The following FHDC1 variants were observed in gnomAD, a reference collection of about 807,000 sequenced individuals.
The protein encoded by FHDC1 is FH2 domain-containing protein 1.
In FHDC1, 25 loss-of-function variants were observed where a neutral mutation model predicts 52.6. That is an observed-to-expected ratio of 0.48 (90% CI 0.35 to 0.66). The LOEUF is 0.66. Ranked by LOEUF, FHDC1 falls within the 30% of genes least tolerant of loss-of-function variation. The probability of loss-of-function intolerance (pLI) is 0.01; values close to 1 mark genes in which losing one functional copy is unlikely to be tolerated. For synonymous variants in FHDC1, 616 were observed against 581.5 expected (o/e 1.06, Z -0.85); for missense variants, 1,459 against 1,452.8 (o/e 1.00, Z -0.07).
intron 1 of FHDC1, among the ~76,000 whole-genome samples, chr4:152,939,370 G>A (rs1028287645): frequency 6.6e-6 from 1 of 152,030 alleles, no homozygotes; most frequent in Admixed American, 6.6e-5. Context: ...TCCTGACCTC[G>A]TGATCTGCCC....
At chr4:152,953,328 T>C (rs1413642894) in intron 2 of FHDC1, among the ~76,000 whole-genome samples, 171 bp from the exon 3 acceptor site, 2 of 152,218 alleles carry the variant, frequency 1.3e-5, no homozygotes, top group East Asian at 3.9e-4. Flanking sequence ...ATGATAATCT[T>C]TTAATATTTG....
chr4:152,963,766 TTTG>T (rs1239614113), intron 8 of FHDC1, among the ~76,000 whole-genome samples: 3 of 101,262 alleles, frequency 3.0e-5, no homozygotes, highest in African/African-American at 7.5e-5. Flanking sequence ...TATCCATTGC[TTTG>T]TTTTTTTTTT....
intron 1 of FHDC1, among the ~76,000 whole-genome samples, chr4:152,937,330 C>T (rs369500291): frequency 6.6e-6 from 1 of 152,138 alleles, no homozygotes; most frequent in East Asian, 1.9e-4. Flanking sequence ...GAAGACCCCC[C>T]CTTTCGTTTC....
chr4:152,941,230 T>A (rs1411865023), intron 1 of FHDC1, among the ~76,000 whole-genome samples: 1 of 152,232 alleles, frequency 6.6e-6, no homozygotes, highest in African/African-American at 2.4e-5. Flanking sequence ...ATTTAATAGA[T>A]GATCACCAAG....
At chr4:152,939,013 G>A (rs1739498522) in intron 1 of FHDC1, among the ~76,000 whole-genome samples, 1 of 152,180 alleles carries the variant, frequency 6.6e-6, no homozygotes, top group South Asian at 2.1e-4. Context: ...TAAATACACT[G>A]TGAGATGAAG....
At chr4:152,955,490 A>G (rs1219263418) in intron 4 of FHDC1, among the ~76,000 whole-genome samples, 2 of 152,206 alleles carry the variant, frequency 1.3e-5, no homozygotes, top group Admixed American at 6.5e-5. Flanking sequence ...AGTAAAAGTA[A>G]TAGATGACTT....
Position 152,943,302 on chromosome 4 carries a change from C to G in FHDC1, c.245C>G (p.Thr82Ser), listed in dbSNP as rs1234565590. The change falls in exon 2 of 12, where the codon ACT becomes AGT. Residue 82 changes from threonine (T) to serine (S), a missense_variant. This residue lies in a region of FHDC1 where 513 missense variants were observed against 581.5 expected (regional missense o/e 0.88). Transcript: ENST00000511601. ...IPPPPPGLPP[T>S]THMNGYSHLG... Reference sequence around the variant, plus strand: ...CCTCCCCCACCAGGCCTACCCCCAACTACTCACATGAACGGCTACAGCCAC... The same window carrying G: ...CCTCCCCCACCAGGCCTACCCCCAAGTACTCACATGAACGGCTACAGCCAC... 1.2e-6 allele frequency: 2 copies of G among 1,601,800 alleles called. No homozygotes were observed. Among genetic ancestry groups the G allele is most frequent in the Admixed American group, 3.4e-5 (2 of 58,858 alleles).
rs748629427 is a variant in FHDC1 at position 152,943,570 on chromosome 4, T to C, written c.498+15T>C. ...CTCGAGAAGAGGTAAGAATGCAAGG[T>C]GGAGGGCTAATCCTCCACACACTGC... On this transcript the variant is annotated intron_variant, in intron 2 of 11. Coordinates refer to ENST00000511601, the MANE Select transcript of FHDC1 (RefSeq NM_001371116.1). The C allele has an allele frequency of 6.2e-7, 1 of 1,602,576 alleles. No individual in the cohort carries two copies. The highest frequency in any genetic ancestry group is 8.5e-7 in the Non-Finnish European group (1 of 1,174,182).
intron 1 of FHDC1, among the ~76,000 whole-genome samples, chr4:152,940,043 C>G (rs1228739667): frequency 6.6e-6 from 1 of 152,234 alleles, no homozygotes; most frequent in African/African-American, 2.4e-5. Context: ...TGCATCTCTA[C>G]TGCGGGCAGT....
At position 152,939,545 on chromosome 4, in the gene FHDC1, C is replaced by T. The variant is rs530433970; in HGVS notation, c.-131+3136C>T. Among the ~76,000 whole-genome samples the T allele has an allele frequency of 3.9e-5, 6 of 152,192 alleles. No individual in the cohort carries two copies. The East Asian group carries it at 7.7e-4, about 20-fold the overall frequency. The stretch of plus-strand genomic sequence containing the variant: ...GGCAGCTTTGAAGACCCTTAACGAA[C>T]GTTCTAAGATTTTTTGTCTGCCAAT... On this transcript the variant is annotated intron_variant, in intron 1 of 11. Coordinates refer to ENST00000511601, the MANE Select transcript of FHDC1 (RefSeq NM_001371116.1).
intron 2 of FHDC1, among the ~76,000 whole-genome samples, chr4:152,946,282 T>A (rs1739730680): frequency 6.6e-6 from 1 of 152,218 alleles, no homozygotes; most frequent in Non-Finnish European, 1.5e-5. Flanking sequence ...CTGTGTATCA[T>A]AAGATAATCT....
In FHDC1 at chr4:152,975,419, G is replaced by A. The variant is rs1470745925; in HGVS notation, c.2128G>A (p.Gly710Arg). 3.1e-6 allele frequency: 5 copies of A among 1,613,418 alleles called. No homozygotes were observed. Among genetic ancestry groups the A allele is most frequent in the Admixed American group, 1.7e-5 (1 of 60,012 alleles). The change falls in exon 12 of 12, where the codon GGG (glycine) becomes AGG (arginine). Residue 710 changes from glycine to arginine, a missense_variant. This residue lies in a region of FHDC1 where 939 missense variants were observed against 854.5 expected (regional missense o/e 1.10). Transcript: ENST00000511601. ...CAGCCCGATGGAGCTAGAGTCTGTGGGGCATAGGGGCCCGCAGTCCCTCAG... is the reference window on the plus strand; with the variant it reads ...CAGCCCGATGGAGCTAGAGTCTGTGAGGCATAGGGGCCCGCAGTCCCTCAG... Reference protein sequence around the residue: ...DFSPMELESVGHRGPQSLSAS... With the variant: ...DFSPMELESVRHRGPQSLSAS...
chr4:152,933,182 T>G (rs1034046162), upstream of FHDC1, among the ~76,000 whole-genome samples: 6 of 152,200 alleles, frequency 3.9e-5, no homozygotes, highest in Non-Finnish European at 2.9e-5. Context: ...CAGCGCCACC[T>G]CCAAGCCACG....
At chr4:152,963,583 G>T (rs935452359) in intron 8 of FHDC1, among the ~76,000 whole-genome samples, 9 of 132,978 alleles carry the variant, frequency 6.8e-5, no homozygotes, top group Non-Finnish European at 1.6e-4. Flanking sequence ...TGAGCGTTGA[G>T]GGGGAGGGTA....
In FHDC1 at chr4:152,955,596, T is replaced by G. The variant is rs1222332287; in HGVS notation, c.663+1277T>G. 3.9e-5 allele frequency among the ~76,000 whole-genome samples: 6 copies of G among 152,300 alleles called. No homozygotes were observed. The East Asian group carries it at 9.6e-4, about 24-fold the overall frequency. On this transcript the variant is annotated intron_variant, in intron 4 of 11. Coordinates refer to ENST00000511601, the MANE Select transcript of FHDC1 (RefSeq NM_001371116.1). The stretch of plus-strand genomic sequence containing the variant: ...ACCTCCCGGATTCAAGCGATTCTCC[T>G]GCCTCAGCTTCCCAAGTAGCTGGGA...
At chr4:152,969,893 TCTC>T (rs1405116227) in intron 10 of FHDC1, among the ~76,000 whole-genome samples, 1 of 152,104 alleles carries the variant, frequency 6.6e-6, no homozygotes, top group Non-Finnish European at 1.5e-5. Context: ...ATGGTCTCAA[TCTC>T]CTGACCTCGT....
chr4:152,974,199 C>T (rs1053165293), intron 11 of FHDC1, among the ~76,000 whole-genome samples: 2 of 152,206 alleles, frequency 1.3e-5, no homozygotes, highest in Admixed American at 6.5e-5. Context: ...ATTTGAGGCT[C>T]GCTCTTTAAA....
At chr4:152,921,071 T>C in the FHDC1 span, among the ~76,000 whole-genome samples, 1 of 152,066 alleles carries the variant, frequency 6.6e-6, no homozygotes, top group Admixed American at 6.5e-5. Flanking sequence ...TATAAAATTA[T>C]TTCTCATATA....
chr4:152,931,935 TAA>T (rs200667161), upstream of FHDC1, among the ~76,000 whole-genome samples: 201 of 95,282 alleles, frequency 2.1e-3, no homozygotes, highest in African/African-American at 5.0e-3. Context: ...AGAACCTGTC[TAA>T]AAAAAAAAAA....
Sources: allele counts gnomAD v4.1 joint callset (sites outside exome capture counted in the v4.1 genomes callset), GRCh38; gene constraint gnomAD v4.1.1; regional missense constraint gnomAD v4.1.1; transcripts MANE v1.5; gene names NCBI Gene and HGNC (gene_info 2026-07-23, HGNC 2026-07-21).